PDGFRL: variants seen among roughly 807,000 people sequenced by gnomAD.
PDGFRL encodes platelet-derived growth factor receptor-like protein.
Under a neutral mutation model 37.2 loss-of-function variants are expected in PDGFRL, and 46 were observed. The ratio of observed to expected loss-of-function variants is 1.24; its 90% CI spans 0.98 to 1.58. PDGFRL has a LOEUF of 1.58. PDGFRL is among the 40% of genes most tolerant of loss of function. The probability of loss-of-function intolerance (pLI) is 0.00; values close to 1 mark genes in which losing one functional copy is unlikely to be tolerated. For missense variants in PDGFRL, 692 were observed against 467.6 expected (o/e 1.48, Z -4.43); for synonymous variants, 251 against 184.3 (o/e 1.36, Z -2.93).
intron 2 of PDGFRL, among the ~76,000 whole-genome samples, chr8:17,605,730 G>A (rs981764022): frequency 6.6e-6 from 1 of 152,234 alleles, no homozygotes; most frequent in African/African-American, 2.4e-5. Context: ...CCCTGGTCCT[G>A]CTCCCTAGGA....
At chr8:17,587,551 T>C (rs1585299742) in intron 1 of PDGFRL, among the ~76,000 whole-genome samples, 1 of 152,132 alleles carries the variant, frequency 6.6e-6, no homozygotes, top group East Asian at 1.9e-4. Flanking sequence ...TCTTTCTTTC[T>C]TTCTTTTTTT....
At chr8:17,601,904 C>A (rs73198172) in intron 2 of PDGFRL, among the ~76,000 whole-genome samples, 32,450 of 152,064 alleles carry the variant, frequency 0.21, 4,024 homozygotes, top group African/African-American at 0.31. Context: ...TGTCTTTGCT[C>A]TTGTGACTAG....
Position 17,594,803 on chromosome 8 carries a change from A to G in PDGFRL, c.353+5038A>G, listed in dbSNP as rs568487952. 1.3e-5 allele frequency among the ~76,000 whole-genome samples: 2 copies of G among 152,240 alleles called. 1 individual carries two copies. Among genetic ancestry groups the G allele is most frequent in the South Asian group, 4.1e-4 (2 of 4,820 alleles). ...TGATCCACCCACCTCGGCCTCCCAA[A>G]GTGCTGGGATTACAGGCGTGAGCCA... On this transcript the variant is annotated intron_variant, in intron 2 of 5. Coordinates refer to ENST00000251630, the MANE Select transcript of PDGFRL (RefSeq NM_001372073.1).
chr8:17,578,561 C>G (rs1200187518), intron 1 of PDGFRL, among the ~76,000 whole-genome samples: 1 of 152,150 alleles, frequency 6.6e-6, no homozygotes, highest in Non-Finnish European at 1.5e-5. Context: ...CTGGCAGGCC[C>G]TTGTGTGCAA....
rs145641071 is a variant in PDGFRL at position 17,595,072 on chromosome 8, G to A, written c.353+5307G>A. The stretch of plus-strand genomic sequence containing the variant: ...TGTTTGTGTTTTGAATACACAAGCC[G>A]GGTCAGGAGCAGTGAGATTTGCCAG... On this transcript the variant is annotated intron_variant, in intron 2 of 5. Transcript: ENST00000251630. 5.6e-3 allele frequency among the ~76,000 whole-genome samples: 846 copies of A among 152,118 alleles called. 8 individuals are homozygous for A. The highest frequency in any genetic ancestry group is 0.017 in the African/African-American group (724 of 41,466).
intron 3 of PDGFRL, among the ~76,000 whole-genome samples, chr8:17,623,368 T>G (rs992212797): frequency 6.6e-6 from 1 of 152,212 alleles, no homozygotes. Flanking sequence ...AGATTGTAAA[T>G]GTGCCCTTTG....
At chr8:17,624,355 G>A (rs890434594) in intron 3 of PDGFRL, among the ~76,000 whole-genome samples, 2 of 152,166 alleles carry the variant, frequency 1.3e-5, no homozygotes, top group East Asian at 1.9e-4. Context: ...AATAATTGCC[G>A]TATGTATTTC....
chr8:17,583,397 C>T (rs886494947), intron 1 of PDGFRL, among the ~76,000 whole-genome samples: 31 of 152,240 alleles, frequency 2.0e-4, no homozygotes, highest in African/African-American at 7.0e-4. Flanking sequence ...GTGGGGAGGG[C>T]GAAGGCTTGT....
chr8:17,592,544 C>T (rs1217928427), intron 2 of PDGFRL, among the ~76,000 whole-genome samples: 1 of 152,156 alleles, frequency 6.6e-6, no homozygotes, highest in Non-Finnish European at 1.5e-5. Context: ...TCTGGAGTCA[C>T]CTCTAATCTC....
intron 2 of PDGFRL, among the ~76,000 whole-genome samples, chr8:17,606,180 T>TG (rs1804272422): frequency 1.1e-4 from 1 of 9,086 alleles, no homozygotes; most frequent in South Asian, 0.033. Flanking sequence ...CTGAGTAAGG[T>TG]ATTTTTTTTC....
intron 2 of PDGFRL, among the ~76,000 whole-genome samples, chr8:17,606,323 C>T (rs780521898): frequency 1.4e-4 from 21 of 152,104 alleles, no homozygotes; most frequent in Admixed American, 6.5e-4. Context: ...AACTCACTTT[C>T]CTCCAAAGCT....
At chr8:17,632,632 C>T (rs185846683) in intron 4 of PDGFRL, among the ~76,000 whole-genome samples, 2 of 152,294 alleles carry the variant, frequency 1.3e-5, no homozygotes, top group East Asian at 3.9e-4. Flanking sequence ...CCACTGTGCC[C>T]GTTCCCTGAT....
At chr8:17,590,308 T>A (rs1421744245) in intron 2 of PDGFRL, among the ~76,000 whole-genome samples, 1 of 147,562 alleles carries the variant, frequency 6.8e-6, no homozygotes, top group African/African-American at 2.5e-5. Context: ...CAGGAAACCA[T>A]GTGACAAAAC....
At chr8:17,624,657 C>G (rs1804697551) in intron 3 of PDGFRL, among the ~76,000 whole-genome samples, 1 of 152,128 alleles carries the variant, frequency 6.6e-6, no homozygotes, top group African/African-American at 2.4e-5. Context: ...CTATAATCCC[C>G]TAGCACTTTG....
intron 2 of PDGFRL, among the ~76,000 whole-genome samples, chr8:17,590,965 C>A (rs1219725566): frequency 6.7e-6 from 1 of 150,328 alleles, no homozygotes; most frequent in African/African-American, 2.4e-5. Flanking sequence ...TCACTACAAG[C>A]TCCGCCTCCC....
chr8:17,631,125 G>A (rs1195924613), intron 4 of PDGFRL, among the ~76,000 whole-genome samples: 11 of 152,246 alleles, frequency 7.2e-5, no homozygotes, highest in Admixed American at 5.9e-4. Flanking sequence ...GAGCAGTTGC[G>A]TTGCAGAACG....
intron 2 of PDGFRL, among the ~76,000 whole-genome samples, chr8:17,604,534 A>T (rs945429899): frequency 7.2e-5 from 11 of 152,048 alleles, no homozygotes; most frequent in African/African-American, 2.4e-4. Flanking sequence ...GAATTGAACA[A>T]CGAGAATGCA....
At chr8:17,628,079 C>T (rs753580123) in intron 3 of PDGFRL, among the ~76,000 whole-genome samples, 60 of 147,946 alleles carry the variant, frequency 4.1e-4, no homozygotes, top group Non-Finnish European at 5.8e-4. Context: ...CTGCAAGCTC[C>T]GCCTCCCGGG....
intron 1 of PDGFRL, among the ~76,000 whole-genome samples, chr8:17,580,434 T>G (rs1393892790): frequency 6.6e-6 from 1 of 152,206 alleles, no homozygotes; most frequent in Non-Finnish European, 1.5e-5. Context: ...GCATTTAGGA[T>G]CTTGGCTGGC....
Sources: allele counts gnomAD v4.1 joint callset (sites outside exome capture counted in the v4.1 genomes callset), GRCh38; gene constraint gnomAD v4.1.1; transcripts MANE v1.5; gene names NCBI Gene and HGNC (gene_info 2026-07-23, HGNC 2026-07-21).